The following FAM120B variants were observed in gnomAD, a reference collection of about 807,000 sequenced individuals.
FAM120B encodes the protein constitutive coactivator of peroxisome proliferator-activated receptor gamma.
In FAM120B, 83 loss-of-function variants were observed where a neutral mutation model predicts 96.3. The observed-to-expected ratio is 0.86, with a 90% CI of 0.72 to 1.03. The LOEUF (loss-of-function observed/expected upper bound fraction) is 1.03, where lower values mean the gene tolerates loss of function less well. Among genes scored for constraint, FAM120B ranks in the 50% least tolerant of loss-of-function variants. The pLI is 0.00. For synonymous variants in FAM120B, 407 were observed against 402.7 expected (o/e 1.01, Z -0.13); for missense variants, 1,027 against 1,121.2 (o/e 0.92, Z 1.20).
intron 6 of FAM120B, among the ~76,000 whole-genome samples, chr6:170,364,222 C>T (rs1454527330): frequency 6.6e-6 from 1 of 152,184 alleles, no homozygotes; most frequent in Non-Finnish European, 1.5e-5. Flanking sequence ...CCTCCACCTT[C>T]TCCGACCTCT....
chr6:170,350,104 C>G (rs888476889), intron 5 of FAM120B, among the ~76,000 whole-genome samples: 1 of 152,180 alleles, frequency 6.6e-6, no homozygotes, highest in Non-Finnish European at 1.5e-5. Context: ...CAGGCATACA[C>G]AGAGACCCAA....
chr6:170,317,710 A>G lies in FAM120B; in HGVS notation c.320A>G (p.Lys107Arg), dbSNP rs1280161412. The G allele has an allele frequency of 4.3e-6, 7 of 1,614,122 alleles. No homozygotes were observed. Among genetic ancestry groups the G allele is most frequent in the Non-Finnish European group, 5.1e-6 (6 of 1,180,034 alleles). Reference protein sequence around the residue: ...KRDEWVKRRLKNNREISRIFH... With the variant: ...KRDEWVKRRLRNNREISRIFH... The stretch of plus-strand genomic sequence containing the variant: ...GATGAATGGGTGAAACGAAGGCTCA[A>G]GAACAACAGGGAGATATCCAGGATT... The change falls in exon 2 of 11, where the codon AAG (lysine) becomes AGG (arginine). Residue 107 changes from lysine to arginine, a missense_variant. Physicochemically the swap from Lys to Arg is conservative, Grantham distance 26. This residue lies in a region of FAM120B where 880 missense variants were observed against 980.9 expected (regional missense o/e 0.90). Coordinates refer to ENST00000476287, the MANE Select transcript of FAM120B (RefSeq NM_032448.3).
At chr6:170,301,847 C>T (rs1448150420), upstream of FAM120B, among the ~76,000 whole-genome samples, 1 of 152,194 alleles carries the variant, frequency 6.6e-6, no homozygotes, top group Non-Finnish European at 1.5e-5. Flanking sequence ...TTGGTCAAAG[C>T]CATTCAACAA....
chr6:170,398,574 G>A (rs13192189), intron 9 of FAM120B, among the ~76,000 whole-genome samples: 1 of 103,718 alleles, frequency 9.6e-6, no homozygotes, highest in East Asian at 3.0e-4. Context: ...TATGTCATAA[G>A]CCTTAGGAGT....
intron 1 of FAM120B, among the ~76,000 whole-genome samples, chr6:170,314,970 G>A (rs185830588): frequency 1.2e-3 from 176 of 152,360 alleles, no homozygotes; most frequent in African/African-American, 4.0e-3. Flanking sequence ...CAGCAACTCT[G>A]GGAACTGCCT....
chr6:170,374,306 C>T (rs750834517), intron 6 of FAM120B, among the ~76,000 whole-genome samples: 1 of 152,150 alleles, frequency 6.6e-6, no homozygotes, highest in Non-Finnish European at 1.5e-5. Flanking sequence ...GTAAATTATA[C>T]GTAAATTGTG....
intron 2 of FAM120B, among the ~76,000 whole-genome samples, chr6:170,320,991 G>C (rs1269982111): frequency 6.6e-6 from 1 of 152,222 alleles, no homozygotes; most frequent in African/African-American, 2.4e-5. Context: ...AGTTACTGCA[G>C]CACAGGGTTG....
At chr6:170,320,151 C>T (rs1785193587) in intron 2 of FAM120B, among the ~76,000 whole-genome samples, 1 of 152,160 alleles carries the variant, frequency 6.6e-6, no homozygotes, top group Admixed American at 6.5e-5. Flanking sequence ...AACCACACAC[C>T]TTTCCTTGTT....
chr6:170,315,574 A>G (rs1038727254), intron 1 of FAM120B, among the ~76,000 whole-genome samples: 1 of 152,176 alleles, frequency 6.6e-6, no homozygotes, highest in Non-Finnish European at 1.5e-5. Context: ...ACAAGTCACA[A>G]TACTGTAGTG....
intron 2 of FAM120B, among the ~76,000 whole-genome samples, chr6:170,320,779 A>T (rs1165640987): frequency 6.6e-6 from 1 of 152,238 alleles, no homozygotes; most frequent in Non-Finnish European, 1.5e-5. Context: ...GACTTAAGGA[A>T]CAGTCCACTG....
intron 2 of FAM120B, 63 bp downstream of exon 2, chr6:170,319,187 G>C (rs1468731154): frequency 6.9e-7 from 1 of 1,451,850 alleles, no homozygotes; most frequent in Non-Finnish European, 9.2e-7. Context: ...GGATTTGTTA[G>C]TGAAGATCCA....
intron 1 of FAM120B, among the ~76,000 whole-genome samples, chr6:170,308,011 C>T (rs1173004485): frequency 6.6e-6 from 1 of 152,196 alleles, no homozygotes; most frequent in Non-Finnish European, 1.5e-5. Flanking sequence ...TCCCAAGTTC[C>T]TCCGTGTCTA....
intron 9 of FAM120B, among the ~76,000 whole-genome samples, chr6:170,397,337 C>A (rs1032101977): frequency 6.6e-6 from 1 of 152,074 alleles, no homozygotes; most frequent in Non-Finnish European, 1.5e-5. Flanking sequence ...CTTGAAATAG[C>A]AAATCTGAGA....
chr6:170,361,160 C>A (rs1788332987), intron 6 of FAM120B, among the ~76,000 whole-genome samples: 1 of 132,436 alleles, frequency 7.6e-6, no homozygotes, highest in African/African-American at 2.9e-5. Context: ...CATTACTTTC[C>A]TACTCAAATA....
intron 1 of FAM120B, among the ~76,000 whole-genome samples, chr6:170,299,122 T>G (rs1784087980): frequency 6.6e-6 from 1 of 152,240 alleles, no homozygotes; most frequent in Admixed American, 6.5e-5. Flanking sequence ...ATTTCCTCCT[T>G]AAAAGTTTGA....
At chr6:170,368,827 G>GT (rs1330182778) in intron 6 of FAM120B, among the ~76,000 whole-genome samples, 4 of 149,532 alleles carry the variant, frequency 2.7e-5, no homozygotes, top group Admixed American at 2.0e-4. Context: ...GGCTGGGGGG[G>GT]GGGCTCCCTC....
At chr6:170,399,086 G>C (rs1778382583) in intron 9 of FAM120B, among the ~76,000 whole-genome samples, 1 of 147,702 alleles carries the variant, frequency 6.8e-6, no homozygotes, top group South Asian at 2.1e-4. Flanking sequence ...TAACTCTTAG[G>C]AGTGAGTGGG....
rs770237207 is a variant in FAM120B, at chr6:170,348,208, G to A, written c.2075G>A (p.Arg692Gln). The A allele has an allele frequency of 4.1e-5, 66 of 1,613,900 alleles. No individual in the cohort carries two copies. The highest frequency in any genetic ancestry group is 2.2e-4 in the East Asian group (10 of 44,878). Residue 692 changes from arginine (R) to glutamine (Q), a missense_variant, in exon 5 of 11, where the codon CGG (arginine) becomes CAG (glutamine). By Grantham distance (43) the Arg-to-Gln change is conservative. Coordinates refer to ENST00000476287, the MANE Select transcript of FAM120B (RefSeq NM_032448.3). ...WLNQEPEIQV[R>Q]RLDTLLACFN... is the part of the protein sequence containing the mutation. The stretch of plus-strand genomic sequence containing the variant: ...AACCAAGAGCCAGAAATACAGGTTC[G>A]GCGCTTGGACACACTCCTAGCCTGT...
intron 6 of FAM120B, among the ~76,000 whole-genome samples, chr6:170,386,930 T>C (rs1261874259): frequency 1.3e-5 from 2 of 152,194 alleles, no homozygotes; most frequent in Non-Finnish European, 2.9e-5. Context: ...AATGCAATAT[T>C]GATTTAACAT....
Sources: gnomAD v4.1 joint callset for allele counts (sites outside exome capture counted in the v4.1 genomes callset) on GRCh38, gnomAD v4.1.1 for gene constraint, gnomAD v4.1.1 regional missense constraint, MANE v1.5 for transcripts, NCBI Gene and HGNC (gene_info 2026-07-23, HGNC 2026-07-21) for gene names.